The following MYRIP variants were observed in gnomAD, a reference collection of about 807,000 sequenced individuals.
MYRIP encodes rab effector MyRIP.
A neutral mutation model predicts 98.0 loss-of-function variants in MYRIP; 49 were observed. The observed-to-expected ratio is 0.50, with a 90% CI of 0.40 to 0.63. The LOEUF is 0.63. Among genes scored for constraint, MYRIP ranks in the 30% least tolerant of loss-of-function variants. The pLI is 0.00. For missense variants in MYRIP, 1,004 were observed against 1,058.2 expected, an observed-to-expected ratio of 0.95 and a Z score of 0.71; for synonymous variants, 404 against 409.5, an observed-to-expected ratio of 0.99 and a Z score of 0.16.
intron 3 of MYRIP, among the ~76,000 whole-genome samples, chr3:40,094,838 CT>C (rs1406790129): frequency 6.6e-6 from 1 of 152,210 alleles, no homozygotes; most frequent in East Asian, 1.9e-4. Flanking sequence ...TTTGCTGTTG[CT>C]TTCTGCTGAT....
At chr3:40,200,978 C>G (rs1264050938) in intron 10 of MYRIP, among the ~76,000 whole-genome samples, 4 of 152,320 alleles carry the variant, frequency 2.6e-5, no homozygotes, top group Middle Eastern at 3.4e-3. Flanking sequence ...CTGCTTTATT[C>G]CTAACAGATT....
intron 9 of MYRIP, among the ~76,000 whole-genome samples, chr3:40,187,281 C>T (rs1951064780): frequency 6.6e-6 from 1 of 152,182 alleles, no homozygotes; most frequent in South Asian, 2.1e-4. Context: ...CACTGTTGGA[C>T]AAGGAAGTAG....
intron 2 of MYRIP, among the ~76,000 whole-genome samples, chr3:39,972,595 C>T (rs976747871): frequency 1.3e-5 from 2 of 151,906 alleles, no homozygotes; most frequent in African/African-American, 4.8e-5. Context: ...TCTGTTATTT[C>T]GACATTTTGT....
intron 3 of MYRIP, among the ~76,000 whole-genome samples, chr3:40,104,066 C>G (rs1375883811): frequency 6.6e-6 from 1 of 152,152 alleles, no homozygotes; most frequent in Non-Finnish European, 1.5e-5. Flanking sequence ...GTCTAAATAC[C>G]TGTAAGTACT....
intron 1 of MYRIP, among the ~76,000 whole-genome samples, chr3:39,818,495 T>C (rs1001825802): frequency 7.9e-5 from 12 of 152,220 alleles, no homozygotes; most frequent in African/African-American, 2.7e-4. Flanking sequence ...CTGTGCATTC[T>C]GTAACTTGCA....
At chr3:39,839,994 GT>G (rs1179834653) in intron 1 of MYRIP, among the ~76,000 whole-genome samples, 1 of 152,120 alleles carries the variant, frequency 6.6e-6, no homozygotes, top group African/African-American at 2.4e-5. Flanking sequence ...GGGCCACTTG[GT>G]CCAGAGCTGA....
At chr3:40,203,953 TATA>T (rs1951672746) in intron 10 of MYRIP, among the ~76,000 whole-genome samples, 1 of 14,452 alleles carries the variant, frequency 6.9e-5, no homozygotes. Context: ...ATATATATTA[TATA>T]TTATATACAT....
intron 2 of MYRIP, among the ~76,000 whole-genome samples, chr3:40,032,959 A>T (rs1371737483): frequency 6.6e-6 from 1 of 152,042 alleles, no homozygotes; most frequent in Admixed American, 6.6e-5. Flanking sequence ...ACAGAACCAA[A>T]GACAAAAACC....
At chr3:40,245,665 A>G (rs2125715132) in intron 13 of MYRIP, among the ~76,000 whole-genome samples, 1 of 149,942 alleles carries the variant, frequency 6.7e-6, no homozygotes, top group Middle Eastern at 3.6e-3. Context: ...AAAAAAAAAA[A>G]AAAAAGGGCT....
intron 1 of MYRIP, among the ~76,000 whole-genome samples, chr3:39,893,707 C>CACAT (rs532804574): frequency 1.4e-5 from 2 of 146,948 alleles, no homozygotes; most frequent in South Asian, 4.4e-4. Flanking sequence ...CACACACACA[C>CACAT]GCATGCACAC....
At chr3:39,931,180 T>G (rs916417157) in intron 2 of MYRIP, among the ~76,000 whole-genome samples, 3 of 152,112 alleles carry the variant, frequency 2.0e-5, no homozygotes, top group Non-Finnish European at 2.9e-5. Flanking sequence ...ACATGGGATA[T>G]CTTTCCATTT....
At chr3:39,879,051 C>T (rs940382966) in intron 1 of MYRIP, among the ~76,000 whole-genome samples, 4 of 148,728 alleles carry the variant, frequency 2.7e-5, no homozygotes, top group Non-Finnish European at 3.0e-5. Flanking sequence ...GGCAACAGAG[C>T]GAGACTCTGT....
chr3:39,815,663 G>C (rs1359114761), intron 1 of MYRIP, among the ~76,000 whole-genome samples: 1 of 152,064 alleles, frequency 6.6e-6, no homozygotes, highest in African/African-American at 2.4e-5. Context: ...TGGTGGTTTT[G>C]TTTCTTCTGT....
intron 1 of MYRIP, among the ~76,000 whole-genome samples, chr3:39,886,277 C>A (rs1390495572): frequency 6.6e-6 from 1 of 151,618 alleles, no homozygotes; most frequent in Non-Finnish European, 1.5e-5. Context: ...GAAACTGCAT[C>A]AACTAACGAG....
chr3:39,872,200 A>G (rs1037942468), intron 1 of MYRIP, among the ~76,000 whole-genome samples: 1 of 152,108 alleles, frequency 6.6e-6, no homozygotes, highest in African/African-American at 2.4e-5. Flanking sequence ...ACATAGAGAA[A>G]TGTAAAGACT....
intron 2 of MYRIP, among the ~76,000 whole-genome samples, chr3:39,982,501 C>T (rs1274712534): frequency 1.3e-5 from 2 of 152,138 alleles, no homozygotes; most frequent in Admixed American, 6.6e-5. Context: ...TATAAATGCT[C>T]GATGACCTTG....
chr3:40,003,844 A>G (rs1230354807), intron 2 of MYRIP, among the ~76,000 whole-genome samples: 1 of 152,158 alleles, frequency 6.6e-6, no homozygotes, highest in African/African-American at 2.4e-5. Flanking sequence ...CCAACACCCA[A>G]CTAAGACTCT....
At chr3:39,940,227 TTATACTC>T (rs1944754576) in intron 2 of MYRIP, among the ~76,000 whole-genome samples, 1 of 152,110 alleles carries the variant, frequency 6.6e-6, no homozygotes, top group African/African-American at 2.4e-5. Flanking sequence ...TCATTTTCCT[TTATACTC>T]TATTGTATTT....
intron 3 of MYRIP, among the ~76,000 whole-genome samples, chr3:40,106,434 G>C (rs1949051909): frequency 6.6e-6 from 1 of 150,540 alleles, no homozygotes; most frequent in African/African-American, 2.4e-5. Flanking sequence ...AGAGAATTTT[G>C]CCTGAACAGT....
Sources: gnomAD v4.1 joint callset for allele counts (sites outside exome capture counted in the v4.1 genomes callset) on GRCh38, gnomAD v4.1.1 for gene constraint, MANE v1.5 for transcripts, NCBI Gene and HGNC (gene_info 2026-07-23, HGNC 2026-07-21) for gene names.